The following NEXMIF variants were observed in gnomAD, a reference collection of about 807,000 sequenced individuals.
NEXMIF encodes XLMR protein related to neurite extension.
Under a neutral mutation model 62.1 loss-of-function variants are expected in NEXMIF, and 8 were observed. The ratio of observed to expected loss-of-function variants is 0.13; its 90% CI spans 0.08 to 0.23. The LOEUF (loss-of-function observed/expected upper bound fraction) is 0.23, where lower values mean the gene tolerates loss of function less well. Ranked by LOEUF, NEXMIF falls within the 10% of genes least tolerant of loss-of-function variation. The pLI is 1.00. For synonymous variants in NEXMIF, 404 were observed against 416.6 expected (o/e 0.97, Z 0.37); for missense variants, 976 against 1,113.3 (o/e 0.88, Z 1.75).
intron 1 of NEXMIF, among the ~76,000 whole-genome samples, chrX:74,872,931 A>T (rs1157786766): frequency 9.2e-6 from 1 of 109,275 alleles, no homozygotes; most frequent in Non-Finnish European, 1.9e-5. Flanking sequence ...TTATTTTTTT[A>T]TTTTTTATTT....
At chrX:74,794,936 C>T (rs1363288654) in intron 1 of NEXMIF, among the ~76,000 whole-genome samples, 1 of 112,016 alleles carries the variant, frequency 8.9e-6, no homozygotes, top group Admixed American at 9.4e-5. Flanking sequence ...TCACCGTCTT[C>T]TGTGTTGCTC....
At chrX:74,820,292 A>G (rs1441664953) in intron 1 of NEXMIF, among the ~76,000 whole-genome samples, 2 of 110,112 alleles carry the variant, frequency 1.8e-5, no homozygotes, top group Non-Finnish European at 3.8e-5. Flanking sequence ...CTATGTATCA[A>G]ACCTGCACAT....
rs558446034 is a variant in NEXMIF, at chrX:74,848,750, C to G, written c.-48+76133G>C. On this transcript the variant is annotated intron_variant, in intron 1 of 3. Coordinates refer to ENST00000055682, the MANE Select transcript of NEXMIF (RefSeq NM_001008537.3). ...AAATAAATATGCTGAAATCTAATCC[C>G]CAATGTGATGGTATTTGAAGGTGGG... Among the ~76,000 whole-genome samples, 26 of 112,138 alleles carry G rather than the reference C, an allele frequency of 2.3e-4. No individual in the cohort carries two copies. The South Asian group carries it at 9.7e-3, about 42-fold the overall frequency.
intron 1 of NEXMIF, among the ~76,000 whole-genome samples, chrX:74,914,574 G>A (rs1236267171): frequency 9.0e-6 from 1 of 111,524 alleles, no homozygotes; most frequent in Admixed American, 9.5e-5. Context: ...CCAGCTACTC[G>A]GGAGGCTGAG....
intron 1 of NEXMIF, among the ~76,000 whole-genome samples, chrX:74,892,000 T>C (rs1166095192): frequency 8.9e-6 from 1 of 112,386 alleles, no homozygotes; most frequent in East Asian, 2.8e-4. Flanking sequence ...AACGCTGGCA[T>C]TTACAAGGAG....
intron 1 of NEXMIF, among the ~76,000 whole-genome samples, chrX:74,892,468 G>A (rs781173577): frequency 3.6e-5 from 4 of 111,860 alleles, no homozygotes; most frequent in East Asian, 2.8e-4. Flanking sequence ...GGAGAGGCAC[G>A]TATTTTTATA....
chrX:74,794,771 C>T (rs762496174), intron 1 of NEXMIF, among the ~76,000 whole-genome samples: 2 of 111,485 alleles, frequency 1.8e-5, no homozygotes, highest in African/African-American at 3.3e-5. Context: ...TTCTTTGACT[C>T]GGAAAGGGAA....
At chrX:74,875,317 A>G (rs1437580291) in intron 1 of NEXMIF, among the ~76,000 whole-genome samples, 1 of 111,553 alleles carries the variant, frequency 9.0e-6, no homozygotes, top group Non-Finnish European at 1.9e-5. Flanking sequence ...CGTATATTGA[A>G]CCAGCCTTGC....
At chrX:74,846,508 T>A (rs934286830) in intron 1 of NEXMIF, among the ~76,000 whole-genome samples, 1 of 112,219 alleles carries the variant, frequency 8.9e-6, no homozygotes, top group Non-Finnish European at 1.9e-5. Context: ...CTGTTTCAAG[T>A]GTATCCTGTC....
chrX:74,752,318 C>T (rs1334668861), intron 1 of NEXMIF, among the ~76,000 whole-genome samples: 2 of 110,604 alleles, frequency 1.8e-5, no homozygotes, highest in African/African-American at 6.6e-5. Flanking sequence ...GTGCTGCTGG[C>T]GGCGACAGGG....
At chrX:74,889,978 CTCAT>C (rs1426104456) in intron 1 of NEXMIF, among the ~76,000 whole-genome samples, 1 of 102,727 alleles carries the variant, frequency 9.7e-6, no homozygotes, top group Non-Finnish European at 2.0e-5. Context: ...CTCTCTCTCT[CTCAT>C]TCTCTCTCAT....
chrX:74,923,611 T>C (rs2080833889), intron 1 of NEXMIF, among the ~76,000 whole-genome samples: 1 of 111,793 alleles, frequency 8.9e-6, no homozygotes, highest in Admixed American at 9.5e-5. Context: ...GATTCACCCC[T>C]CCAAAACACA....
At position 74,744,930 on chromosome X, in the gene NEXMIF, C is replaced by CCTCTCTCTCTCTCT. The variant is rs749595584; in HGVS notation, c.80-467_80-454dup. 2.5e-3 allele frequency among the ~76,000 whole-genome samples: 218 copies of CCTCTCTCTCTCTCT among 86,568 alleles called. 4 individuals carry two copies. The highest frequency in any genetic ancestry group is 0.018 in the South Asian group (23 of 1,292). The allele number at this position is 86,568 out of a possible 115,157, so 75.2% of individuals were successfully genotyped here. ...CTCTCTCTCTCTCTCTTCTCTCTCT[C>CCTCTCTCTCTCTCT]CTCTCTCTCTCTCTCTCTCTTCTCT... On this transcript the variant is annotated intron_variant, in intron 2 of 3. Transcript: ENST00000055682.
chrX:74,868,038 T>C (rs1465403276), intron 1 of NEXMIF, among the ~76,000 whole-genome samples: 1 of 112,286 alleles, frequency 8.9e-6, no homozygotes, highest in African/African-American at 3.2e-5. Flanking sequence ...TCAATAGCAC[T>C]GATCATTAGA....
chrX:74,919,458 T>C (rs913333545), intron 1 of NEXMIF, among the ~76,000 whole-genome samples: 4 of 111,365 alleles, frequency 3.6e-5, no homozygotes, highest in Admixed American at 9.5e-5. Context: ...TGGCTTATAC[T>C]AAGGTGATCA....
At chrX:74,873,452 C>A (rs141803823) in intron 1 of NEXMIF, among the ~76,000 whole-genome samples, 316 of 111,813 alleles carry the variant, frequency 2.8e-3, no homozygotes, top group African/African-American at 9.4e-3. Context: ...AATAAACATA[C>A]GTGTGCAAGT....
chrX:74,888,220 C>T (rs886688642), intron 1 of NEXMIF, among the ~76,000 whole-genome samples: 15 of 108,392 alleles, frequency 1.4e-4, no homozygotes, highest in Non-Finnish European at 2.9e-4. Flanking sequence ...AGCACACAAA[C>T]ATGGCACATG....
chrX:74,865,818 G>A (rs771062397), intron 1 of NEXMIF, among the ~76,000 whole-genome samples: 1 of 112,132 alleles, frequency 8.9e-6, no homozygotes, highest in Non-Finnish European at 1.9e-5. Flanking sequence ...TGTTGAGCTT[G>A]TGGGTACACA....
chrX:74,874,311 G>A (rs6647548), intron 1 of NEXMIF, among the ~76,000 whole-genome samples: 12,208 of 99,511 alleles, frequency 0.12, 1,497 homozygotes, highest in East Asian at 0.79. Flanking sequence ...GTAGATATGT[G>A]GCATTATTTC....
Sources: gnomAD v4.1 joint callset for allele counts (sites outside exome capture counted in the v4.1 genomes callset) on GRCh38, gnomAD v4.1.1 for gene constraint, MANE v1.5 for transcripts, NCBI Gene and HGNC (gene_info 2026-07-23, HGNC 2026-07-21) for gene names.